The following RELL1 variants were observed in gnomAD, a reference collection of about 807,000 sequenced individuals.
RELL1 encodes RELT like 1, also known as RELT-like protein 1.
RELL1 carries 10 observed loss-of-function variants against 23.0 expected under a neutral mutation model. The observed-to-expected ratio is 0.43, with a 90% CI of 0.27 to 0.74. The LOEUF (loss-of-function observed/expected upper bound fraction) is 0.74. Ranked by LOEUF, RELL1 falls within the 30% of genes least tolerant of loss-of-function variation. RELL1 has a pLI of 0.19. For synonymous variants in RELL1, 146 were observed against 146.8 expected (o/e 0.99, Z 0.04); for missense variants, 315 against 364.4 (o/e 0.86, Z 1.10).
At chr4:37,627,190 T>A (rs1719982389) in intron 6 of RELL1, among the ~76,000 whole-genome samples, 1 of 152,240 alleles carries the variant, frequency 6.6e-6, no homozygotes, top group Non-Finnish European at 1.5e-5. Flanking sequence ...ATAAAAAATT[T>A]TAAAGTATGG....
intron 1 of RELL1, among the ~76,000 whole-genome samples, chr4:37,666,176 G>C (rs143245098): frequency 6.6e-6 from 1 of 152,292 alleles, no homozygotes; most frequent in African/African-American, 2.4e-5. Flanking sequence ...TGAGATAGGT[G>C]TTAATATTAA....
At chr4:37,609,804 A>G (rs1469749720), downstream of RELL1, among the ~76,000 whole-genome samples, 6 of 152,242 alleles carry the variant, frequency 3.9e-5, no homozygotes, top group Admixed American at 3.9e-4. Flanking sequence ...AATTGCTGCC[A>G]TCTCATGATA....
chr4:37,663,485 C>T (rs1303719478), intron 1 of RELL1, among the ~76,000 whole-genome samples: 1 of 152,186 alleles, frequency 6.6e-6, no homozygotes, highest in African/African-American at 2.4e-5. Flanking sequence ...AAAGGTGGTA[C>T]GTCATAAAGA....
downstream of RELL1, chr4:37,588,770 GAAAA>G (rs963920813): frequency 3.5e-5 from 36 of 1,042,656 alleles, no homozygotes; most frequent in Non-Finnish European, 5.3e-5. Flanking sequence ...AGTCTCTAGG[GAAAA>G]AAAAAGGCAA....
chr4:37,631,416 A>C lies in RELL1; in HGVS notation c.788T>G (p.Val263Gly). Reference sequence around the variant, plus strand: ...CTCTGTGCCACTGCGTTCTCTCTTCACAGGTGTTGCCGGCACCTCCCCATT... The same window carrying C: ...CTCTGTGCCACTGCGTTCTCTCTTCCCAGGTGTTGCCGGCACCTCCCCATT... Reference protein sequence around the residue: ...TVNGEVPATPVKRERSGTE With the variant: ...TVNGEVPATPGKRERSGTE The change falls in exon 6 of 7, where the codon GTG becomes GGG. Residue 263 changes from valine (V) to glycine (G), a missense_variant. Transcript: ENST00000454158. The C allele has an allele frequency of 6.2e-7, 1 of 1,613,962 alleles. No homozygotes were observed. Among genetic ancestry groups the C allele is most frequent in the South Asian group, 1.1e-5 (1 of 91,052 alleles).
rs1719371802 is a variant in RELL1, at chr4:37,611,397, G to A, written c.*1949C>T. Among the ~76,000 whole-genome samples, 1 of 152,094 alleles carries A rather than the reference G, an allele frequency of 6.6e-6. No homozygotes were observed. ...CACATACAGTGTTTATTAGTTGTCA[G>A]TAAAAATTCTCATGAAACTAAATTC... On this transcript the variant is annotated 3_prime_UTR_variant, in exon 7 of 7. Transcript: ENST00000454158.
intron 1 of RELL1, among the ~76,000 whole-genome samples, chr4:37,677,909 T>A (rs572539414): frequency 2.6e-5 from 4 of 151,128 alleles, no homozygotes; most frequent in African/African-American, 7.3e-5. Flanking sequence ...GAGGCAGAGG[T>A]TGCAGTGAGC....
chr4:37,605,791 A>AGAGAGAG (rs1719178798), downstream of RELL1, among the ~76,000 whole-genome samples: 29 of 71,086 alleles, frequency 4.1e-4, 1 homozygote, highest in East Asian at 0.01. Context: ...GAGAGAAAGA[A>AGAGAGAG]AGAGAAAGAA....
At chr4:37,605,795 GAAAGAA>G (rs1180546068), downstream of RELL1, among the ~76,000 whole-genome samples, 148 of 76,750 alleles carry the variant, frequency 1.9e-3, 3 homozygotes, top group Middle Eastern at 6.8e-3. Flanking sequence ...GAAAGAAAGA[GAAAGAA>G]AGAAAGAAAG....
At chr4:37,646,054 A>G (rs561811157) in intron 3 of RELL1, among the ~76,000 whole-genome samples, 1 of 152,282 alleles carries the variant, frequency 6.6e-6, no homozygotes, top group South Asian at 2.1e-4. Context: ...TATCAGGCTG[A>G]GCTCTATCAG....
At chr4:37,598,105 A>G (rs569374308) in intron 6 of RELL1, among the ~76,000 whole-genome samples, 11 of 133,338 alleles carry the variant, frequency 8.2e-5, no homozygotes, top group African/African-American at 2.6e-4. Context: ...AACTCCTCCT[A>G]TAGCTACTTT....
rs570502187 is a variant in RELL1 at position 37,684,928 on chromosome 4, G to C, written c.88+1272C>G. Among the ~76,000 whole-genome samples the C allele has an allele frequency of 4.6e-5, 7 of 152,194 alleles. No individual in the cohort carries two copies. In the South Asian group the frequency reaches 1.5e-3, roughly 32 times the overall value. On this transcript the variant is annotated intron_variant, in intron 1 of 6. Coordinates refer to ENST00000454158, the MANE Select transcript of RELL1 (RefSeq NM_001085400.2). ...AGGTTGTGCCACTGCACTCCAGTCT[G>C]GGTGACAAAATGAGCCCCTGTATCA...
intron 1 of RELL1, among the ~76,000 whole-genome samples, chr4:37,678,477 C>G (rs1230542215): frequency 6.6e-6 from 1 of 152,324 alleles, no homozygotes; most frequent in East Asian, 1.9e-4. Context: ...TCTGCCAAGC[C>G]CATCAGACCC....
downstream of RELL1, among the ~76,000 whole-genome samples, chr4:37,608,746 G>A (rs1358033476): frequency 1.3e-5 from 2 of 149,614 alleles, no homozygotes; most frequent in African/African-American, 2.5e-5. Context: ...TCCTTCTACT[G>A]CAGCCTCCTG....
At chr4:37,682,035 C>T (rs751854963) in intron 1 of RELL1, among the ~76,000 whole-genome samples, 2 of 152,162 alleles carry the variant, frequency 1.3e-5, no homozygotes, top group African/African-American at 2.4e-5. Context: ...ATGACAAAAT[C>T]CAGCTTACAC....
intron 1 of RELL1, among the ~76,000 whole-genome samples, chr4:37,682,478 T>G (rs963462574): frequency 1.3e-5 from 2 of 152,242 alleles, no homozygotes; most frequent in African/African-American, 4.8e-5. Context: ...AAGAATCATT[T>G]TTAAAGAAAC....
chr4:37,630,009 T>G (rs1241106033), intron 6 of RELL1, among the ~76,000 whole-genome samples: 1 of 152,168 alleles, frequency 6.6e-6, no homozygotes, highest in African/African-American at 2.4e-5. Flanking sequence ...AGCTCAAGTA[T>G]CTTGCCCAGG....
At chr4:37,651,022 T>A (rs1720913605) in intron 1 of RELL1, among the ~76,000 whole-genome samples, 1 of 145,396 alleles carries the variant, frequency 6.9e-6, no homozygotes. Flanking sequence ...AGTGCACCAC[T>A]GCACTTCAGC....
At chr4:37,684,850 G>T (rs1483635947) in intron 1 of RELL1, among the ~76,000 whole-genome samples, 2 of 152,218 alleles carry the variant, frequency 1.3e-5, no homozygotes, top group African/African-American at 4.8e-5. Context: ...CTGCTCAGAA[G>T]GCTGAGGCAG....
Sources: gnomAD v4.1 joint callset for allele counts (sites outside exome capture counted in the v4.1 genomes callset) on GRCh38, gnomAD v4.1.1 for gene constraint, MANE v1.5 for transcripts, NCBI Gene and HGNC (gene_info 2026-07-23, HGNC 2026-07-21) for gene names.